ZNF506: variants seen among roughly 807,000 people sequenced by gnomAD.
The protein encoded by ZNF506 is zinc finger protein 506.
Under a neutral mutation model 11.6 loss-of-function variants are expected in ZNF506, and 10 were observed. The ratio of observed to expected loss-of-function variants is 0.86; its 90% CI spans 0.53 to 1.46. ZNF506 has a LOEUF of 1.46. Among genes scored for constraint, ZNF506 ranks in the 40% most tolerant of loss-of-function variants. ZNF506 has a pLI of 0.00. For missense variants in ZNF506, 425 were observed against 521.2 expected (o/e 0.82, Z 1.80); for synonymous variants, 156 against 173.3 (o/e 0.90, Z 0.78).
rs16996376 is a variant in ZNF506, at chr19:19,795,322, T to C, written c.565A>G (p.Thr189Ala). Residue 189 changes from threonine to alanine, a missense_variant, in exon 4 of 4, where the codon ACT becomes GCT. Thr to Ala is a moderately conservative substitution (Grantham distance 58, BLOSUM62 0). Around this residue, in one of 3 missense-constraint regions of ZNF506, gnomAD observed 226 missense variants for 279.1 expected, o/e 0.81. Coordinates refer to ENST00000540806, the MANE Select transcript of ZNF506 (RefSeq NM_001099269.3). ...GKTFNQSSTR[T>A]TYKKIDAGEK... ...CCAGCATCAATTTTCTTATATGTAG[T>C]ACGGGTTGAAGACTGGTTAAAAGTT... 11 of 1,613,808 alleles carry C rather than the reference T, an allele frequency of 6.8e-6. 1 individual carries two copies. In the South Asian group the frequency reaches 9.9e-5, roughly 15 times the overall value.
chr19:19,816,070 C>T (rs2145205601), intron 1 of ZNF506, among the ~76,000 whole-genome samples: 1 of 152,166 alleles, frequency 6.6e-6, no homozygotes, highest in East Asian at 1.9e-4. Context: ...ATGGTGCTCT[C>T]TTTTCTTACC....
At chr19:19,814,084 C>T (rs902135913) in intron 1 of ZNF506, among the ~76,000 whole-genome samples, 15 of 151,976 alleles carry the variant, frequency 9.9e-5, no homozygotes, top group Non-Finnish European at 1.5e-4. Context: ...TGCAATAACA[C>T]TGATGAAGCT....
chr19:19,797,683 A>G (rs1381206462), intron 3 of ZNF506: 3 of 152,154 alleles, frequency 2.0e-5, no homozygotes, highest in Non-Finnish European at 4.4e-5. Flanking sequence ...ACATCTATTT[A>G]TAACAAACAC....
intron 1 of ZNF506, among the ~76,000 whole-genome samples, chr19:19,808,704 G>A (rs889017811): frequency 1.3e-5 from 2 of 151,296 alleles, no homozygotes; most frequent in Admixed American, 6.6e-5. Flanking sequence ...TTAGCCGGGC[G>A]TGGTGGCGGG....
At position 19,808,571 on chromosome 19, in the gene ZNF506, C is replaced by T. The variant is rs533219046; in HGVS notation, c.4-1503G>A. On this transcript the variant is annotated intron_variant, in intron 1 of 3. Transcript: ENST00000540806. ...AAAGAAACATCAGTTTTAGGCCAGG[C>T]GCAGTGACTCACGCCTGTAATCCCA... Among the ~76,000 whole-genome samples the T allele has an allele frequency of 3.1e-4, 47 of 150,570 alleles. 1 individual carries two copies. The South Asian group carries it at 7.2e-3, about 23-fold the overall frequency.
chr19:19,809,824 G>A (rs2062870462), intron 1 of ZNF506, among the ~76,000 whole-genome samples: 1 of 152,128 alleles, frequency 6.6e-6, no homozygotes, highest in Admixed American at 6.6e-5. Context: ...TTAGTGCAAA[G>A]GTGGAACTTA....
rs189984876 is a variant in ZNF506, at chr19:19,808,905, C to G, written c.4-1837G>C. On this transcript the variant is annotated intron_variant, in intron 1 of 3. Transcript: ENST00000540806. ...AAACTTTAAAATACAGATTACTCCT[C>G]TGTTCTGTAATTTTTAGTAGTAATT... Among the ~76,000 whole-genome samples the G allele has an allele frequency of 2.7e-5, 4 of 150,936 alleles. No individual in the cohort carries two copies. The East Asian group carries it at 7.9e-4, about 30-fold the overall frequency.
chr19:19,805,914 A>G (rs899839168), intron 3 of ZNF506, 117 bp downstream of exon 3: 1 of 888,474 alleles, frequency 1.1e-6, no homozygotes, highest in Admixed American at 2.5e-5. Flanking sequence ...AAAGCTGCCC[A>G]GGAACTATTT....
At chr19:19,809,869 G>T (rs2062870703) in intron 1 of ZNF506, among the ~76,000 whole-genome samples, 1 of 152,084 alleles carries the variant, frequency 6.6e-6, no homozygotes, top group South Asian at 2.1e-4. Context: ...CCTCATACCT[G>T]ATTCTGGCCT....
intron 1 of ZNF506, among the ~76,000 whole-genome samples, chr19:19,808,834 ACT>A (rs1419600818): frequency 1.7e-5 from 2 of 115,654 alleles, no homozygotes; most frequent in African/African-American, 7.6e-5. Flanking sequence ...ACACAGCGAG[ACT>A]CTGTCTCAAA....
intron 1 of ZNF506, among the ~76,000 whole-genome samples, chr19:19,813,393 AG>A (rs1246660894): frequency 6.6e-6 from 1 of 152,220 alleles, no homozygotes; most frequent in Non-Finnish European, 1.5e-5. Context: ...CACTTTCAAA[AG>A]TGTAAATAAT....
chr19:19,818,278 T>C (rs934741706), intron 1 of ZNF506, among the ~76,000 whole-genome samples: 1 of 152,228 alleles, frequency 6.6e-6, no homozygotes, highest in African/African-American at 2.4e-5. Flanking sequence ...TCATCACATA[T>C]AATTTAGCAT....
At chr19:19,807,774 C>T (rs925754448) in intron 1 of ZNF506, among the ~76,000 whole-genome samples, 1 of 152,254 alleles carries the variant, frequency 6.6e-6, no homozygotes, top group East Asian at 1.9e-4. Flanking sequence ...TCCCAAAGTG[C>T]TGGGATTATA....
intron 1 of ZNF506, among the ~76,000 whole-genome samples, chr19:19,808,600 C>CT (rs76885892): frequency 0.17 from 25,756 of 150,810 alleles, 2,483 homozygotes; most frequent in East Asian, 0.42. Context: ...AATCCCAGCA[C>CT]TTTGGGAGGC....
intron 1 of ZNF506, among the ~76,000 whole-genome samples, chr19:19,807,773 G>A (rs2062846848): frequency 6.6e-6 from 1 of 152,136 alleles, no homozygotes; most frequent in Admixed American, 6.5e-5. Context: ...CTCCCAAAGT[G>A]CTGGGATTAT....
At chr19:19,805,922 T>C in intron 3 of ZNF506, 109 bp downstream of exon 3, 2 of 975,692 alleles carry the variant, frequency 2.0e-6, no homozygotes, top group African/African-American at 3.4e-5. Context: ...CCAGGAACTA[T>C]TTCCTTGGGA....
chr19:19,809,478 CCTT>C (rs1482294059), intron 1 of ZNF506, among the ~76,000 whole-genome samples: 2 of 151,962 alleles, frequency 1.3e-5, no homozygotes, highest in Non-Finnish European at 2.9e-5. Flanking sequence ...TTTTCTTCCT[CCTT>C]CTTCTCTGGA....
chr19:19,800,990 G>A (rs150806973), intron 3 of ZNF506, among the ~76,000 whole-genome samples: 3,196 of 150,686 alleles, frequency 0.021, 109 homozygotes, highest in African/African-American at 0.073. Context: ...GTAAAACCCC[G>A]TCTCTACTAA....
chr19:19,799,401 G>C (rs1327588133), intron 3 of ZNF506: 2 of 653,304 alleles, frequency 3.1e-6, no homozygotes, highest in East Asian at 5.7e-5. Flanking sequence ...ACATCATCAG[G>C]ATACATAGCC....
Sources: gnomAD v4.1 joint callset for allele counts (sites outside exome capture counted in the v4.1 genomes callset) on GRCh38, gnomAD v4.1.1 for gene constraint, gnomAD v4.1.1 regional missense constraint, MANE v1.5 for transcripts, NCBI Gene and HGNC (gene_info 2026-07-23, HGNC 2026-07-21) for gene names.